The following CPA5 variants were observed in gnomAD, a reference collection of about 807,000 sequenced individuals.
CPA5 encodes the protein testicular tissue protein Li 32.
Under a neutral mutation model 52.2 loss-of-function variants are expected in CPA5, and 38 were observed. The observed-to-expected ratio is 0.73, with a 90% CI of 0.56 to 0.95. The LOEUF (loss-of-function observed/expected upper bound fraction) is 0.95. Among genes scored for constraint, CPA5 ranks in the 40% least tolerant of loss-of-function variants. The probability of loss-of-function intolerance (pLI) is 0.00; values close to 1 mark genes in which losing one functional copy is unlikely to be tolerated. For missense variants in CPA5, 519 were observed against 566.7 expected (o/e 0.92, Z 0.86); for synonymous variants, 198 against 213.7 (o/e 0.93, Z 0.64).
At chr7:130,370,351 G>A (rs782693919), downstream of CPA5, among the ~76,000 whole-genome samples, 1 of 151,732 alleles carries the variant, frequency 6.6e-6, no homozygotes, top group Non-Finnish European at 1.5e-5. Flanking sequence ...TTTTAAAGCT[G>A]GAATTGGTCT....
At chr7:130,347,694 C>A (rs1396627699) in intron 3 of CPA5, 72 bp from the exon 4 acceptor site, 4 of 1,334,686 alleles carry the variant, frequency 3.0e-6, no homozygotes, top group Non-Finnish European at 3.2e-6. Context: ...TCCACTCTGC[C>A]CCTTCCAAGT....
In CPA5 at chr7:130,362,549, G is replaced by A. The variant is rs1554407051; in HGVS notation, c.636+10G>A. 1.2e-6 allele frequency: 2 copies of A among 1,603,672 alleles called. No homozygotes were observed. The highest frequency in any genetic ancestry group is 1.7e-6 in the Non-Finnish European group (2 of 1,171,266). On this transcript the variant is annotated intron_variant, in intron 8 of 12. Coordinates refer to ENST00000474905, the MANE Select transcript of CPA5 (RefSeq NM_080385.5). ...CTGGACTGCCAATAAGGTCAGCATG[G>A]ACCTGTAGCCAAGGTGCACCCACGA...
In CPA5 at chr7:130,367,478, C is replaced by A; in HGVS notation, c.945C>A (p.Asn315Lys). 6.2e-7 allele frequency: 1 copy of A among 1,614,186 alleles called. No homozygotes were observed. Among genetic ancestry groups the A allele is most frequent in the South Asian group, 1.1e-5 (1 of 91,074 alleles). Reference protein sequence around the residue: ...AIVNFITAHGNFKALISIHSY... With the variant: ...AIVNFITAHGKFKALISIHSY... ...TGAACTTCATCACAGCCCATGGCAACTTCAAGGCTCTGATCTCCATCCACA... is the reference window on the plus strand; with the variant it reads ...TGAACTTCATCACAGCCCATGGCAAATTCAAGGCTCTGATCTCCATCCACA... The change falls in exon 11 of 13, where the codon AAC becomes AAA. Residue 315 changes from asparagine to lysine, a missense_variant. By Grantham distance (94) the Asn-to-Lys change is moderately conservative (BLOSUM62 0). Coordinates refer to ENST00000474905, the MANE Select transcript of CPA5 (RefSeq NM_080385.5).
intron 5 of CPA5, among the ~76,000 whole-genome samples, chr7:130,355,858 C>T (rs1385001667): frequency 6.6e-6 from 1 of 152,222 alleles, no homozygotes; most frequent in Admixed American, 6.5e-5. Context: ...CCCTCAGACT[C>T]CACTCTCAAG....
chr7:130,349,970 A>C lies in CPA5; in HGVS notation c.199-5A>C. 6.2e-7 allele frequency: 1 copy of C among 1,611,676 alleles called. No individual in the cohort carries two copies. Among genetic ancestry groups the C allele is most frequent in the Non-Finnish European group, 8.5e-7 (1 of 1,179,030 alleles). The stretch of plus-strand genomic sequence containing the variant: ...GCAGCTCTCTCTCTTTCCTTGGTGA[A>C]CAAGGTGGACTTCTGGCGTGGCCCA... On this transcript the variant is annotated splice_region_variant and splice_polypyrimidine_tract_variant and intron_variant, in intron 4 of 12. Coordinates refer to ENST00000474905, the MANE Select transcript of CPA5 (RefSeq NM_080385.5).
intron 5 of CPA5, among the ~76,000 whole-genome samples, chr7:130,351,414 CGG>C (rs142907043): frequency 0.017 from 2,569 of 152,276 alleles, 33 homozygotes; most frequent in Non-Finnish European, 0.026. Context: ...ACATCAGGGA[CGG>C]CCCCAGAGTC....
intron 10 of CPA5, among the ~76,000 whole-genome samples, chr7:130,366,152 C>A (rs531517544): frequency 6.6e-6 from 1 of 152,302 alleles, no homozygotes; most frequent in South Asian, 2.1e-4. Flanking sequence ...CCCTCCCACC[C>A]GTGCCTGGCC....
chr7:130,354,278 CTT>C (rs1360131653), intron 5 of CPA5, among the ~76,000 whole-genome samples: 16 of 152,178 alleles, frequency 1.1e-4, no homozygotes, highest in African/African-American at 3.1e-4. Flanking sequence ...CCAACTTCCT[CTT>C]TCTTTCCCAT....
chr7:130,348,751 TG>T (rs1794933844), intron 4 of CPA5, among the ~76,000 whole-genome samples: 1 of 152,222 alleles, frequency 6.6e-6, no homozygotes, highest in Non-Finnish European at 1.5e-5. Flanking sequence ...GGATTTTGTT[TG>T]TCCCAGTCTT....
intron 3 of CPA5, 78 bp downstream of exon 3, chr7:130,346,679 C>T: frequency 8.5e-7 from 1 of 1,178,666 alleles, no homozygotes; most frequent in South Asian, 1.3e-5. Context: ...GGTGGCTGCC[C>T]TGCTGGTGCC....
intron 5 of CPA5, 38 bp from the exon 6 acceptor site, chr7:130,359,551 C>T (rs1449840059): frequency 3.4e-6 from 5 of 1,482,398 alleles, no homozygotes; most frequent in Non-Finnish European, 4.6e-6. Context: ...CAGCCCAGCT[C>T]TCCCCTTCCT....
chr7:130,359,568 T>A, intron 5 of CPA5, 21 bp from the exon 6 acceptor site: 11 of 1,544,542 alleles, frequency 7.1e-6, no homozygotes, highest in Non-Finnish European at 9.7e-6. Flanking sequence ...TCCTTTCCAA[T>A]ATGTGTTCCC....
Position 130,362,908 on chromosome 7 carries a change from C to T in CPA5, c.661C>T (p.Arg221Cys), listed in dbSNP as rs138029673. 15 of 1,612,498 alleles carry T rather than the reference C, an allele frequency of 9.3e-6. No individual in the cohort carries two copies. Among genetic ancestry groups the T allele is most frequent in the Admixed American group, 1.7e-5 (1 of 59,978 alleles). Residue 221 changes from arginine (R) to cysteine (C), a missense_variant, in exon 9 of 13, where the codon CGT (arginine) becomes TGT (cysteine). Coordinates refer to ENST00000474905, the MANE Select transcript of CPA5 (RefSeq NM_080385.5). ...NKIVSDYGKD[R>C]VLTDILNAMD... ...GATTGTCAGTGATTATGGCAAAGAC[C>T]GTGTCCTGACAGACATACTGAATGC...
intron 5 of CPA5, among the ~76,000 whole-genome samples, chr7:130,352,728 A>G (rs1022696016): frequency 1.3e-5 from 2 of 152,218 alleles, no homozygotes; most frequent in Non-Finnish European, 2.9e-5. Flanking sequence ...AGAGACTGAC[A>G]GGCAGGAGGG....
intron 5 of CPA5, among the ~76,000 whole-genome samples, chr7:130,352,050 C>T (rs2117330478): frequency 6.6e-6 from 1 of 152,222 alleles, no homozygotes. Context: ...TGATAAATGT[C>T]AGTGGAACTA....
chr7:130,359,475 C>T, intron 5 of CPA5, 114 bp from the exon 6 acceptor site: 1 of 696,186 alleles, frequency 1.4e-6, no homozygotes, highest in Non-Finnish European at 2.5e-6. Flanking sequence ...CATGGTGGCT[C>T]ATTCTCCTGT....
chr7:130,363,216 C>T (rs1272251014), intron 9 of CPA5, among the ~76,000 whole-genome samples: 1 of 152,208 alleles, frequency 6.6e-6, no homozygotes, highest in Non-Finnish European at 1.5e-5. Flanking sequence ...AGGCCTCTCC[C>T]TAGACCCTGA....
Position 130,362,539 on chromosome 7 carries a change from G to T in CPA5, c.636G>T (p.Lys212Asn). ...CCACCGGCATCTGGACTGCCAATAAGGTCAGCATGGACCTGTAGCCAAGGT... is the reference window on the plus strand; with the variant it reads ...CCACCGGCATCTGGACTGCCAATAATGTCAGCATGGACCTGTAGCCAAGGT... ...THATGIWTAN[K>N]IVSDYGKDRV... Residue 212 changes from lysine to asparagine, a missense_variant and splice_region_variant, in exon 8 of 13, where the codon AAG becomes AAT. Coordinates refer to ENST00000474905, the MANE Select transcript of CPA5 (RefSeq NM_080385.5). 6.2e-7 allele frequency: 1 copy of T among 1,610,544 alleles called. No homozygotes were observed. The highest frequency in any genetic ancestry group is 1.1e-5 in the South Asian group (1 of 90,954).
At chr7:130,365,960 C>G (rs1464884225) in intron 10 of CPA5, among the ~76,000 whole-genome samples, 6 of 152,252 alleles carry the variant, frequency 3.9e-5, no homozygotes, top group Admixed American at 6.5e-5. Flanking sequence ...GGCACATCCC[C>G]TTCTAACCAG....
Sources: gnomAD v4.1 joint callset for allele counts (sites outside exome capture counted in the v4.1 genomes callset) on GRCh38, gnomAD v4.1.1 for gene constraint, MANE v1.5 for transcripts, NCBI Gene and HGNC (gene_info 2026-07-23, HGNC 2026-07-21) for gene names.